The following POLR2F variants were observed in gnomAD, a reference collection of about 807,000 sequenced individuals.
POLR2F encodes DNA-directed RNA polymerases I, II, and III subunit RPABC2.
Under a neutral mutation model 22.7 loss-of-function variants are expected in POLR2F, and 12 were observed. That is an observed-to-expected ratio of 0.53 (90% CI 0.34 to 0.86). The LOEUF (loss-of-function observed/expected upper bound fraction) is 0.86, where lower values mean the gene tolerates loss of function less well. Among genes scored for constraint, POLR2F ranks in the 40% least tolerant of loss-of-function variants. The probability of loss-of-function intolerance (pLI) is 0.02; values close to 1 mark genes in which losing one functional copy is unlikely to be tolerated. For synonymous variants in POLR2F, 57 were observed against 66.0 expected, an observed-to-expected ratio of 0.86 and a Z score of 0.66; for missense variants, 126 against 171.5, an observed-to-expected ratio of 0.73 and a Z score of 1.48.
At chr22:37,985,996 C>T, upstream of POLR2F, 1 of 1,233,012 alleles carries the variant, frequency 8.1e-7, no homozygotes, top group South Asian at 1.8e-5. Context: ...CTCGACGCCA[C>T]CCCCGGCGCT....
chr22:38,038,395 G>T (rs2085136687), intron 5 of POLR2F, among the ~76,000 whole-genome samples: 1 of 152,186 alleles, frequency 6.6e-6, no homozygotes, highest in Non-Finnish European at 1.5e-5. Context: ...CAGGCAGGTG[G>T]AAGCCATGGC....
At chr22:37,979,196 C>T (rs1257001310) in intron 4 of POLR2F, among the ~76,000 whole-genome samples, 1 of 152,134 alleles carries the variant, frequency 6.6e-6, no homozygotes, top group Non-Finnish European at 1.5e-5. Flanking sequence ...TTCCTGAGTT[C>T]AAGCGATTCT....
Position 37,968,887 on chromosome 22 carries a change from G to A in POLR2F, c.*1172G>A. The A allele has an allele frequency of 2.0e-6, 2 of 985,392 alleles. No individual in the cohort carries two copies. The highest frequency in any genetic ancestry group is 2.4e-6 in the Non-Finnish European group (2 of 829,910). The allele number at this position is 985,392 out of a possible 1,614,324, so 61.0% of individuals were successfully genotyped here. A position where few individuals can be genotyped will look rare whatever the true frequency, so the allele number is the denominator to read the frequency against. Reference sequence around the variant, plus strand: ...TGGTGGGAGGGGTGTCCGCTGCCCTGGAGAAGGGTTAATTCAGGGAGCAGT... The same window carrying A: ...TGGTGGGAGGGGTGTCCGCTGCCCTAGAGAAGGGTTAATTCAGGGAGCAGT... On this transcript the variant is annotated 3_prime_UTR_variant, in exon 5 of 5. Coordinates refer to ENST00000442738, the MANE Select transcript of POLR2F (RefSeq NM_021974.5).
At chr22:37,998,216 G>A (rs748138281) in intron 1 of POLR2F, among the ~76,000 whole-genome samples, 2 of 152,224 alleles carry the variant, frequency 1.3e-5, no homozygotes, top group South Asian at 2.1e-4. Flanking sequence ...TTTACTCAAC[G>A]GAGCAATTTA....
chr22:38,021,783 A>T (rs1245282467), intron 1 of POLR2F, among the ~76,000 whole-genome samples: 1 of 151,936 alleles, frequency 6.6e-6, no homozygotes, highest in Non-Finnish European at 1.5e-5. Flanking sequence ...CGTCCTTCTC[A>T]GTAAAAATGT....
chr22:37,971,429 A>G (rs529455726), downstream of POLR2F: 8 of 399,462 alleles, frequency 2.0e-5, no homozygotes, highest in Middle Eastern at 3.6e-4. Context: ...AGAACTTCCA[A>G]CCATCGGAGT....
At chr22:37,963,877 G>A (rs1399232901) in intron 3 of POLR2F, among the ~76,000 whole-genome samples, 2 of 152,126 alleles carry the variant, frequency 1.3e-5, no homozygotes, top group Non-Finnish European at 2.9e-5. Flanking sequence ...CAAGGTGGGC[G>A]GATCACCTGA....
At position 38,016,951 on chromosome 22, in the gene POLR2F, C is replaced by T. The variant is rs556404809; in HGVS notation, c.121-8918C>T. Among the ~76,000 whole-genome samples, 26 of 152,122 alleles carry T rather than the reference C, an allele frequency of 1.7e-4. No individual in the cohort carries two copies. Among genetic ancestry groups the T allele is most frequent in the African/African-American group, 5.3e-4 (22 of 41,508 alleles). On this transcript the variant is annotated intron_variant, in intron 1 of 2. Coordinates refer to the POLR2F transcript ENST00000333418. The surrounding 1 kb of genome is among the most constrained non-coding windows in gnomAD (Gnocchi z 4.4). ...GCGGATGTGCCGGCAGCTGGGCGGC[C>T]GGGAGAGATGGAGCCAGGCCGGGGT...
At chr22:38,024,636 C>T (rs931022189) in intron 1 of POLR2F, among the ~76,000 whole-genome samples, 2 of 151,998 alleles carry the variant, frequency 1.3e-5, no homozygotes, top group African/African-American at 2.4e-5. Context: ...CTGAGAATGC[C>T]CCAGGCAGAC....
At chr22:38,033,940 C>A (rs1033569128) in intron 5 of POLR2F, among the ~76,000 whole-genome samples, 1 of 152,146 alleles carries the variant, frequency 6.6e-6, no homozygotes, top group Non-Finnish European at 1.5e-5. Flanking sequence ...GGGGCCCCAA[C>A]CCCTTTGATT....
At chr22:37,969,908 G>C (rs1005579017), downstream of POLR2F, among the ~76,000 whole-genome samples, 2 of 152,156 alleles carry the variant, frequency 1.3e-5, no homozygotes, top group Non-Finnish European at 2.9e-5. Flanking sequence ...TTTTGACAAG[G>C]CATCAGTAGT....
At chr22:38,010,946 T>C (rs2084867034) in intron 1 of POLR2F, among the ~76,000 whole-genome samples, 1 of 151,982 alleles carries the variant, frequency 6.6e-6, no homozygotes, top group African/African-American at 2.4e-5. Flanking sequence ...AGCGAAAGTT[T>C]TGAATTTTGA....
At chr22:38,037,061 G>A (rs1215526732) in intron 5 of POLR2F, among the ~76,000 whole-genome samples, 2 of 152,138 alleles carry the variant, frequency 1.3e-5, no homozygotes, top group Non-Finnish European at 2.9e-5. Flanking sequence ...GCTGCCTGAT[G>A]TTAGCTTGTA....
At position 37,997,787 on chromosome 22, in the gene POLR2F, G is replaced by A. The variant is rs150549733; in HGVS notation, c.120+11475G>A. ...CTGCCCCGGGGCCCTTTCTCTGGCTGTCCCAGGGACCTCACCTCCTGTGAG... is the reference window on the plus strand; with the variant it reads ...CTGCCCCGGGGCCCTTTCTCTGGCTATCCCAGGGACCTCACCTCCTGTGAG... On this transcript the variant is annotated intron_variant, in intron 1 of 2. Coordinates refer to the POLR2F transcript ENST00000333418. The surrounding 1 kb of genome is among the most constrained non-coding windows in gnomAD (Gnocchi z 4.4). 3.6e-3 allele frequency among the ~76,000 whole-genome samples: 548 copies of A among 152,184 alleles called. 4 individuals carry two copies. The highest frequency in any genetic ancestry group is 0.013 in the African/African-American group (520 of 41,512).
chr22:37,962,523 T>C (rs1006470130), intron 3 of POLR2F, among the ~76,000 whole-genome samples: 4 of 152,166 alleles, frequency 2.6e-5, no homozygotes, highest in Admixed American at 2.6e-4. Flanking sequence ...CCACACCCAG[T>C]GTGACAGCCA....
rs1235810017 is a variant in POLR2F at position 37,997,490 on chromosome 22, A to G, written c.120+11178A>G. ...ATGCGTTCTCTCTGTCCCTCCCTCC[A>G]TGAATTTCTCTGTCTCTGTCCTGTG... On this transcript the variant is annotated intron_variant, in intron 1 of 2. Transcript: ENST00000333418. This position sits in a 1 kb window ranked among gnomAD's most constrained non-coding sequence, Gnocchi z 4.4. Among the ~76,000 whole-genome samples, 1 of 151,044 alleles carries G rather than the reference A, an allele frequency of 6.6e-6. No homozygotes were observed. The highest frequency in any genetic ancestry group is 2.4e-5 in the African/African-American group (1 of 40,998).
At chr22:37,958,770 T>C (rs903850384) in intron 2 of POLR2F, among the ~76,000 whole-genome samples, 7 of 152,250 alleles carry the variant, frequency 4.6e-5, no homozygotes, top group Non-Finnish European at 7.4e-5. Context: ...CCTGCTCTGT[T>C]TACTCTTGTC....
intron 1 of POLR2F, among the ~76,000 whole-genome samples, chr22:37,990,502 C>G (rs3026652): frequency 6.6e-6 from 1 of 152,288 alleles, no homozygotes; most frequent in South Asian, 2.1e-4. Flanking sequence ...CCCTGAGCCT[C>G]TCCAGCTGCT....
chr22:37,955,203 GTTTTT>G (rs77201045), intron 1 of POLR2F, among the ~76,000 whole-genome samples: 1 of 131,770 alleles, frequency 7.6e-6, no homozygotes, highest in Non-Finnish European at 1.6e-5. Flanking sequence ...AGAAATAAGG[GTTTTT>G]TTTTTTTTTT....
Sources: allele counts gnomAD v4.1 joint callset (sites outside exome capture counted in the v4.1 genomes callset), GRCh38; gene constraint gnomAD v4.1.1; non-coding constraint Gnocchi (gnomAD v3.1); transcripts MANE v1.5; gene names NCBI Gene and HGNC (gene_info 2026-07-23, HGNC 2026-07-21).